The following CSMD1 variants were observed in gnomAD, a reference collection of about 807,000 sequenced individuals.
CSMD1 encodes CUB and sushi domain-containing protein 1.
CSMD1 carries 213 observed loss-of-function variants against 417.5 expected under a neutral mutation model. That is an observed-to-expected ratio of 0.51 (90% CI 0.46 to 0.57). CSMD1 has a LOEUF of 0.57. CSMD1 is among the 20% of genes least tolerant of loss of function. The pLI, the probability that CSMD1 is intolerant of heterozygous loss-of-function variation, is 0.00. For missense variants in CSMD1, 6,923 were observed against 4,529.7 expected (o/e 1.53, Z -15.17); for synonymous variants, 2,862 against 1,736.8 (o/e 1.65, Z -16.11).
Position 3,252,962 on chromosome 8 carries a change from T to C in CSMD1, c.4154-22731A>G, listed in dbSNP as rs145781722. ...TTTGATTATTCTCTCTTTTCTTCTT[T>C]ATTAGTTTTGCTAGCAGTCTATCAA... On this transcript the variant is annotated intron_variant, in intron 26 of 69. Transcript: ENST00000635120. 5.9e-3 allele frequency among the ~76,000 whole-genome samples: 897 copies of C among 152,304 alleles called. 8 individuals carry two copies. Among genetic ancestry groups the C allele is most frequent in the African/African-American group, 0.02 (838 of 41,586 alleles).
intron 12 of CSMD1, among the ~76,000 whole-genome samples, chr8:3,421,132 C>G (rs893233971): frequency 6.6e-6 from 1 of 152,184 alleles, no homozygotes; most frequent in Non-Finnish European, 1.5e-5. Context: ...AAAATTACAT[C>G]TTTAACATTC....
At chr8:3,653,307 G>A (rs980407376) in intron 7 of CSMD1, among the ~76,000 whole-genome samples, 3 of 152,010 alleles carry the variant, frequency 2.0e-5, no homozygotes, top group African/African-American at 4.8e-5. Flanking sequence ...AGTTATGGGG[G>A]TTCTTTTGTT....
At chr8:4,231,819 T>C (rs991654800) in intron 3 of CSMD1, among the ~76,000 whole-genome samples, 2 of 152,190 alleles carry the variant, frequency 1.3e-5, no homozygotes, top group Non-Finnish European at 2.9e-5. Flanking sequence ...ACTGCCAGTA[T>C]AGGAAAAGCA....
intron 1 of CSMD1, among the ~76,000 whole-genome samples, chr8:4,761,884 T>A (rs1320062536): frequency 1.1e-3 from 80 of 75,140 alleles, no homozygotes; most frequent in African/African-American, 3.3e-3. Context: ...TCTATCTATC[T>A]ATCTACCTAC....
At chr8:4,554,135 C>T (rs1262391620) in intron 2 of CSMD1, among the ~76,000 whole-genome samples, 4 of 152,030 alleles carry the variant, frequency 2.6e-5, no homozygotes, top group South Asian at 2.1e-4. Flanking sequence ...TGGAAACAAT[C>T]GCGATTTATT....
At chr8:3,467,899 C>G (rs1816871575) in intron 12 of CSMD1, among the ~76,000 whole-genome samples, 3 of 152,214 alleles carry the variant, frequency 2.0e-5, no homozygotes, top group Admixed American at 2.0e-4. Flanking sequence ...TAAGAACATA[C>G]TGCCTATTTA....
chr8:3,219,639 A>T lies in CSMD1; in HGVS notation c.4485-197T>A, dbSNP rs1180429705. On this transcript the variant is annotated intron_variant, in intron 28 of 69. Coordinates refer to ENST00000635120, the MANE Select transcript of CSMD1 (RefSeq NM_033225.6). ...TAGTATAAAATACATCAATTGTGACAAATACTATTTGCCTAATTACCATCA... is the reference window on the plus strand; with the variant it reads ...TAGTATAAAATACATCAATTGTGACTAATACTATTTGCCTAATTACCATCA... Among the ~76,000 whole-genome samples the T allele has an allele frequency of 2.0e-5, 3 of 152,314 alleles. No homozygotes were observed. In the East Asian group the frequency reaches 5.8e-4, roughly 29 times the overall value.
At chr8:3,021,460 C>T (rs1397657736) in intron 51 of CSMD1, among the ~76,000 whole-genome samples, 4 of 152,162 alleles carry the variant, frequency 2.6e-5, no homozygotes, top group Admixed American at 6.5e-5. Context: ...GAAGGGAAAG[C>T]CTTATTTTTA....
chr8:3,003,320 G>A (rs1008434408), intron 52 of CSMD1, among the ~76,000 whole-genome samples: 1 of 152,140 alleles, frequency 6.6e-6, no homozygotes, highest in African/African-American at 2.4e-5. Context: ...TGCTTTGTAT[G>A]TGAGTTACCT....
At chr8:4,022,636 C>T (rs940219243) in intron 4 of CSMD1, among the ~76,000 whole-genome samples, 3 of 152,052 alleles carry the variant, frequency 2.0e-5, no homozygotes, top group African/African-American at 7.2e-5. Flanking sequence ...ATTCTGGAAC[C>T]CTCTGGGTGA....
intron 2 of CSMD1, among the ~76,000 whole-genome samples, chr8:4,484,027 T>A (rs1398863745): frequency 6.6e-6 from 1 of 152,120 alleles, no homozygotes; most frequent in Non-Finnish European, 1.5e-5. Context: ...ATGATAGGGC[T>A]GCATTAGACA....
intron 2 of CSMD1, among the ~76,000 whole-genome samples, chr8:4,598,723 T>C (rs1057265143): frequency 6.6e-6 from 1 of 152,350 alleles, no homozygotes; most frequent in African/African-American, 2.4e-5. Flanking sequence ...GTGTGGGTAC[T>C]GGTACTCAGT....
At chr8:3,775,045 G>A (rs117307931) in intron 5 of CSMD1, among the ~76,000 whole-genome samples, 1,645 of 152,220 alleles carry the variant, frequency 0.011, 15 homozygotes, top group Non-Finnish European at 0.016. Context: ...ATGTTACTCA[G>A]AATAGCATAC....
At chr8:3,269,446 C>T (rs1193950512) in intron 26 of CSMD1, among the ~76,000 whole-genome samples, 1 of 152,204 alleles carries the variant, frequency 6.6e-6, no homozygotes, top group South Asian at 2.1e-4. Flanking sequence ...CTGCCATGGG[C>T]AGCACCAAAG....
chr8:4,166,149 A>G (rs907155838), intron 3 of CSMD1, among the ~76,000 whole-genome samples: 1 of 152,158 alleles, frequency 6.6e-6, no homozygotes, highest in South Asian at 2.1e-4. Context: ...ACCCCATAAC[A>G]TTATTTTAAA....
chr8:4,079,666 G>T (rs533714483), intron 3 of CSMD1, among the ~76,000 whole-genome samples: 5 of 152,252 alleles, frequency 3.3e-5, no homozygotes, highest in African/African-American at 7.2e-5. Flanking sequence ...GCGTTCTTGT[G>T]GGTTCACATT....
chr8:3,332,049 T>C (rs1480842136), intron 23 of CSMD1, among the ~76,000 whole-genome samples: 1 of 152,200 alleles, frequency 6.6e-6, no homozygotes, highest in Non-Finnish European at 1.5e-5. Flanking sequence ...TAATAGATCA[T>C]AGATTATCAA....
In CSMD1 at chr8:3,466,754, A is replaced by G. The variant is rs561255870; in HGVS notation, c.1561+1958T>C. 2.4e-4 allele frequency among the ~76,000 whole-genome samples: 36 copies of G among 152,136 alleles called. 1 individual carries two copies. The South Asian group carries it at 7.1e-3, about 30-fold the overall frequency. On this transcript the variant is annotated intron_variant, in intron 12 of 69. Transcript: ENST00000635120. Reference sequence around the variant, plus strand: ...TGTTTTCTGATAATATAATTTATGAATAACTTTGCTTTGAGTCAAATAATA... The same window carrying G: ...TGTTTTCTGATAATATAATTTATGAGTAACTTTGCTTTGAGTCAAATAATA...
chr8:4,084,569 G>A (rs1017549584), intron 3 of CSMD1, among the ~76,000 whole-genome samples: 2 of 152,044 alleles, frequency 1.3e-5, no homozygotes, highest in Non-Finnish European at 2.9e-5. Flanking sequence ...TTAGGAACTC[G>A]ATTCCTTAAT....
Sources: gnomAD v4.1 joint callset for allele counts (sites outside exome capture counted in the v4.1 genomes callset) on GRCh38, gnomAD v4.1.1 for gene constraint, MANE v1.5 for transcripts, NCBI Gene and HGNC (gene_info 2026-07-23, HGNC 2026-07-21) for gene names.